The following ATRNL1 variants were observed in gnomAD, a reference collection of about 807,000 sequenced individuals.
ATRNL1 encodes the protein attractin-like protein 1.
In ATRNL1, 95 loss-of-function variants were observed where a neutral mutation model predicts 182.7. The ratio of observed to expected loss-of-function variants is 0.52; its 90% CI spans 0.44 to 0.62. The LOEUF is 0.62. ATRNL1 is among the 20% of genes least tolerant of loss of function. The probability of loss-of-function intolerance (pLI) is 0.00; values close to 1 mark genes in which losing one functional copy is unlikely to be tolerated. For synonymous variants in ATRNL1, 576 were observed against 568.3 expected (o/e 1.01, Z -0.19); for missense variants, 1,471 against 1,679.5 (o/e 0.88, Z 2.17).
At chr10:115,513,876 C>T (rs1168778735) in intron 24 of ATRNL1, among the ~76,000 whole-genome samples, 1 of 151,894 alleles carries the variant, frequency 6.6e-6, no homozygotes, top group Non-Finnish European at 1.5e-5. Flanking sequence ...CAACCTGAGC[C>T]TGTAGCCTCC....
chr10:115,524,171 T>A (rs1851093537), intron 25 of ATRNL1, among the ~76,000 whole-genome samples: 1 of 152,198 alleles, frequency 6.6e-6, no homozygotes, highest in South Asian at 2.1e-4. Flanking sequence ...ATGGCACAAA[T>A]CCATTTATGA....
chr10:115,649,623 G>A (rs1859856365), intron 26 of ATRNL1, among the ~76,000 whole-genome samples: 2 of 152,016 alleles, frequency 1.3e-5, no homozygotes, highest in Non-Finnish European at 1.5e-5. Context: ...ATTCAAATGG[G>A]GAAATGACTG....
At chr10:115,205,037 C>T (rs1195608448) in intron 8 of ATRNL1, among the ~76,000 whole-genome samples, 1 of 152,016 alleles carries the variant, frequency 6.6e-6, no homozygotes, top group Non-Finnish European at 1.5e-5. Flanking sequence ...CACTTTTATG[C>T]CAACTCTACC....
At chr10:115,683,268 T>C (rs1375165644) in intron 26 of ATRNL1, among the ~76,000 whole-genome samples, 3 of 151,990 alleles carry the variant, frequency 2.0e-5, no homozygotes, top group African/African-American at 7.2e-5. Context: ...GGTGCAAACA[T>C]TAACCTTTAG....
intron 28 of ATRNL1, among the ~76,000 whole-genome samples, chr10:115,860,650 T>C (rs1951294584): frequency 6.6e-6 from 1 of 152,216 alleles, no homozygotes; most frequent in Admixed American, 6.5e-5. Context: ...TCCAACTGCA[T>C]GCAGCCACAG....
At chr10:115,720,896 A>G (rs193151164) in intron 26 of ATRNL1, among the ~76,000 whole-genome samples, 6 of 152,336 alleles carry the variant, frequency 3.9e-5, no homozygotes, top group Middle Eastern at 3.4e-3. Context: ...TTTAAGCATT[A>G]ATATGAGTTG....
intron 27 of ATRNL1, among the ~76,000 whole-genome samples, chr10:115,736,533 A>G (rs112324830): frequency 6.6e-6 from 1 of 151,956 alleles, no homozygotes; most frequent in African/African-American, 2.4e-5. Context: ...GGAAATCTAA[A>G]TCTGTTGATT....
In ATRNL1 at chr10:115,093,456, C is replaced by A; in HGVS notation, c.-295C>A. 1.8e-6 allele frequency: 1 copy of A among 543,520 alleles called. No homozygotes were observed. Among genetic ancestry groups the A allele is most frequent in the Non-Finnish European group, 3.3e-6 (1 of 299,096 alleles). The allele number at this position is 543,520 out of a possible 1,614,324, so 33.7% of individuals were successfully genotyped here. On this transcript the variant is annotated 5_prime_UTR_variant, in exon 1 of 29. Transcript: ENST00000355044. The surrounding 1 kb of genome is among the most constrained non-coding windows in gnomAD (Gnocchi z 6.1). The stretch of plus-strand genomic sequence containing the variant: ...CCTCAGGAGCGCCGGGCGCAGTCTG[C>A]GCCTCCCGCTCCCCGCCTCCGGCCG...
chr10:115,352,787 C>G (rs1856320497), intron 19 of ATRNL1, among the ~76,000 whole-genome samples: 1 of 152,110 alleles, frequency 6.6e-6, no homozygotes, highest in Admixed American at 6.5e-5. Context: ...GTAGTCCCAG[C>G]TACTCGGGAG....
intron 27 of ATRNL1, among the ~76,000 whole-genome samples, chr10:115,795,600 G>A (rs1949634513): frequency 6.6e-6 from 1 of 152,080 alleles, no homozygotes; most frequent in Non-Finnish European, 1.5e-5. Flanking sequence ...TCTGCTTCTG[G>A]GGAGACCTCA....
At chr10:115,799,352 T>A (rs188360917) in intron 27 of ATRNL1, among the ~76,000 whole-genome samples, 1 of 152,320 alleles carries the variant, frequency 6.6e-6, no homozygotes, top group Non-Finnish European at 1.5e-5. Context: ...CAGCTTTTTC[T>A]CCTCTACCTG....
At chr10:115,521,033 C>T in intron 25 of ATRNL1, among the ~76,000 whole-genome samples, 1 of 152,206 alleles carries the variant, frequency 6.6e-6, no homozygotes, top group South Asian at 2.1e-4. Flanking sequence ...CTTTGTACTT[C>T]AGAAAACAAA....
At chr10:115,104,578 G>C (rs1437375826) in intron 1 of ATRNL1, among the ~76,000 whole-genome samples, 3 of 151,888 alleles carry the variant, frequency 2.0e-5, no homozygotes, top group Non-Finnish European at 2.9e-5. Context: ...TTTTGCTTTG[G>C]TTGCCTGTAC....
intron 19 of ATRNL1, among the ~76,000 whole-genome samples, chr10:115,341,192 A>G (rs1489145149): frequency 6.6e-6 from 1 of 151,966 alleles, no homozygotes; most frequent in Non-Finnish European, 1.5e-5. Context: ...GCTTTGCTGT[A>G]TCCCATAGGT....
chr10:115,888,993 C>A (rs1952016398), intron 28 of ATRNL1, among the ~76,000 whole-genome samples: 1 of 152,152 alleles, frequency 6.6e-6, no homozygotes. Context: ...ATGCATAGAG[C>A]TAGATATGAG....
chr10:115,470,201 T>A (rs1328689126), intron 24 of ATRNL1, among the ~76,000 whole-genome samples: 1 of 150,400 alleles, frequency 6.6e-6, no homozygotes, highest in Non-Finnish European at 1.5e-5. Flanking sequence ...AATGAGTGAT[T>A]TTTAAAATCA....
At chr10:115,942,483 C>T (rs1233439844) in intron 28 of ATRNL1, among the ~76,000 whole-genome samples, 1 of 152,224 alleles carries the variant, frequency 6.6e-6, no homozygotes, top group Non-Finnish European at 1.5e-5. Context: ...TCCCTTGACT[C>T]CCGCAACACT....
intron 23 of ATRNL1, among the ~76,000 whole-genome samples, chr10:115,467,649 A>C (rs1224591513): frequency 1.3e-5 from 2 of 150,708 alleles, no homozygotes; most frequent in African/African-American, 4.8e-5. Flanking sequence ...TCTTCTGTAC[A>C]TGCTGATTAC....
chr10:115,615,747 C>T (rs1857393984), intron 26 of ATRNL1, among the ~76,000 whole-genome samples: 1 of 152,274 alleles, frequency 6.6e-6, no homozygotes, highest in African/African-American at 2.4e-5. Context: ...TGCAAGGCAC[C>T]AGTTCCCCTT....
Sources: allele counts gnomAD v4.1 joint callset (sites outside exome capture counted in the v4.1 genomes callset), GRCh38; gene constraint gnomAD v4.1.1; non-coding constraint Gnocchi (gnomAD v3.1); transcripts MANE v1.5; gene names NCBI Gene and HGNC (gene_info 2026-07-23, HGNC 2026-07-21).